SSBP2: variants seen among roughly 807,000 people sequenced by gnomAD.
SSBP2 encodes the protein single stranded DNA binding protein 2.
In SSBP2, 17 loss-of-function variants were observed where a neutral mutation model predicts 61.8. The observed-to-expected ratio is 0.28, with a 90% CI of 0.19 to 0.41. The LOEUF is 0.41. SSBP2 is among the 10% of genes least tolerant of loss of function. The pLI, the probability that SSBP2 is intolerant of heterozygous loss-of-function variation, is 1.00. For missense variants in SSBP2, 310 were observed against 458.7 expected (o/e 0.68, Z 2.96); for synonymous variants, 139 against 141.3 (o/e 0.98, Z 0.12).
At chr5:81,514,728 T>C (rs1768880451) in intron 4 of SSBP2, among the ~76,000 whole-genome samples, 1 of 152,010 alleles carries the variant, frequency 6.6e-6, no homozygotes, top group South Asian at 2.1e-4. Context: ...CATTATAAGA[T>C]GTAAAATCTC....
chr5:81,727,962 A>G (rs933583823), intron 1 of SSBP2, among the ~76,000 whole-genome samples: 9 of 152,214 alleles, frequency 5.9e-5, no homozygotes, highest in Admixed American at 4.6e-4. Context: ...GATCAAAAGA[A>G]GCCAGCCATA....
rs143704375 is a variant in SSBP2 at position 81,483,115 on chromosome 5, T to C, written c.432+6135A>G. Among the ~76,000 whole-genome samples the C allele has an allele frequency of 2.6e-5, 4 of 152,206 alleles. No homozygotes were observed. In the East Asian group the frequency reaches 7.7e-4, roughly 29 times the overall value. ...AGTTCACTGTCTTGTATGGGCACGG[T>C]TTGTGGCAACCCAAAACAATTACAA... On this transcript the variant is annotated intron_variant, in intron 6 of 16. Transcript: ENST00000320672.
chr5:81,607,088 T>G (rs1744954093), intron 4 of SSBP2, among the ~76,000 whole-genome samples: 2 of 152,202 alleles, frequency 1.3e-5, no homozygotes, highest in South Asian at 4.1e-4. Context: ...ATCTGAAGAC[T>G]TCCTATTTCC....
At chr5:81,612,870 CTTA>C (rs1183644615) in intron 4 of SSBP2, among the ~76,000 whole-genome samples, 2 of 151,882 alleles carry the variant, frequency 1.3e-5, no homozygotes, top group African/African-American at 2.4e-5. Context: ...TTACCAAAAT[CTTA>C]TTGTTTGTTC....
chr5:81,466,825 A>G, intron 9 of SSBP2, 149 bp downstream of exon 9: 1 of 455,958 alleles, frequency 2.2e-6, no homozygotes, highest in Non-Finnish European at 3.9e-6. Context: ...TACCACACAG[A>G]GACTGTGGTG....
chr5:81,609,800 G>A (rs986221951), intron 4 of SSBP2, among the ~76,000 whole-genome samples: 1 of 151,996 alleles, frequency 6.6e-6, no homozygotes, highest in African/African-American at 2.4e-5. Context: ...ACACTGTTGT[G>A]CCCACCTTTC....
At chr5:81,561,690 A>G (rs1057515064) in intron 4 of SSBP2, among the ~76,000 whole-genome samples, 5 of 152,216 alleles carry the variant, frequency 3.3e-5, no homozygotes, top group South Asian at 2.1e-4. Flanking sequence ...AGTTGTGGCA[A>G]TGAAGAAGGA....
chr5:81,420,460 A>G lies in SSBP2; in HGVS notation c.*44T>C. Reference sequence around the variant, plus strand: ...ATTTTCTTCCGTAGTAGTTCTGTGAAGGGCTGACTCACTGTGGTTTTCATG... The same window carrying G: ...ATTTTCTTCCGTAGTAGTTCTGTGAGGGGCTGACTCACTGTGGTTTTCATG... On this transcript the variant is annotated 3_prime_UTR_variant, in exon 17 of 17. Transcript: ENST00000320672. The G allele has an allele frequency of 6.3e-7, 1 of 1,594,182 alleles. No homozygotes were observed. The highest frequency in any genetic ancestry group is 8.6e-7 in the Non-Finnish European group (1 of 1,162,034).
At chr5:81,490,650 G>T (rs1405501154) in intron 5 of SSBP2, among the ~76,000 whole-genome samples, 1 of 152,106 alleles carries the variant, frequency 6.6e-6, no homozygotes, top group Non-Finnish European at 1.5e-5. Flanking sequence ...GGCTACTCAG[G>T]TTTTCCAGAG....
At chr5:81,460,154 C>A (rs766170960) in intron 10 of SSBP2, among the ~76,000 whole-genome samples, 1 of 152,180 alleles carries the variant, frequency 6.6e-6, no homozygotes, top group Non-Finnish European at 1.5e-5. Context: ...GTTTCATATT[C>A]ATTTAACATT....
chr5:81,599,122 G>A (rs1439936187), intron 4 of SSBP2, among the ~76,000 whole-genome samples: 1 of 152,112 alleles, frequency 6.6e-6, no homozygotes, highest in African/African-American at 2.4e-5. Context: ...ATAGCAAAAG[G>A]ACTACCTGAT....
At position 81,440,586 on chromosome 5, in the gene SSBP2, C is replaced by T; in HGVS notation, c.900G>A (p.Met300Ile). 1 of 1,613,596 alleles carries T rather than the reference C, an allele frequency of 6.2e-7. No homozygotes were observed. ...AAGAGCCATTCATGTGATGTGACTCCATTCCTCCTAATCCACCCATGGGAC... is the reference window on the plus strand; with the variant it reads ...AAGAGCCATTCATGTGATGTGACTCTATTCCTCCTAATCCACCCATGGGAC... The change falls in exon 14 of 17, where the codon ATG becomes ATA. Residue 300 changes from methionine to isoleucine, a missense_variant. This residue lies in a region of SSBP2 where 44 missense variants were observed against 86.2 expected (regional missense o/e 0.51). Transcript: ENST00000320672.
At chr5:81,641,556 G>A (rs550627991) in intron 2 of SSBP2, among the ~76,000 whole-genome samples, 1 of 152,272 alleles carries the variant, frequency 6.6e-6, no homozygotes, top group African/African-American at 2.4e-5. Flanking sequence ...GTCCACAGAA[G>A]AGATGGTCTG....
At chr5:81,585,553 G>A (rs970742898) in intron 4 of SSBP2, among the ~76,000 whole-genome samples, 8 of 149,652 alleles carry the variant, frequency 5.3e-5, no homozygotes, top group Non-Finnish European at 1.0e-4. Flanking sequence ...TTGTGTGTGT[G>A]TATATATATA....
rs976371928 is a variant in SSBP2 at position 81,413,825 on chromosome 5, T to C, written c.*6679A>G. ...ATGGTAACTGTACAGATTATTTGAA[T>C]TGTTTTTTAATAAGTAGATGGCCAA... On this transcript the variant is annotated 3_prime_UTR_variant, in exon 17 of 17. Coordinates refer to ENST00000320672, the MANE Select transcript of SSBP2 (RefSeq NM_012446.5). The C allele has an allele frequency of 6.6e-6, 1 of 152,196 alleles. No homozygotes were observed. The highest frequency in any genetic ancestry group is 1.5e-5 in the Non-Finnish European group (1 of 67,998). The allele number at this position is 152,196 out of a possible 1,614,324, so 9.4% of individuals were successfully genotyped here.
chr5:81,697,024 G>A (rs1753648830), intron 1 of SSBP2, among the ~76,000 whole-genome samples: 2 of 152,162 alleles, frequency 1.3e-5, no homozygotes, highest in Admixed American at 1.3e-4. Context: ...AAAGAATACA[G>A]GGCATTTCAG....
intron 1 of SSBP2, among the ~76,000 whole-genome samples, chr5:81,657,667 C>G (rs1165095362): frequency 6.6e-6 from 1 of 152,160 alleles, no homozygotes; most frequent in Non-Finnish European, 1.5e-5. Context: ...CAGTACTGTC[C>G]TCTAATCAAC....
chr5:81,467,368 T>A (rs145818801), intron 8 of SSBP2, among the ~76,000 whole-genome samples: 1 of 151,984 alleles, frequency 6.6e-6, no homozygotes, highest in Non-Finnish European at 1.5e-5. Flanking sequence ...ATGAAACATA[T>A]CATAAATCCA....
rs1044016843 is a variant in SSBP2 at position 81,505,259 on chromosome 5, G to A, written c.372+8369C>T. On this transcript the variant is annotated intron_variant, in intron 5 of 16. Transcript: ENST00000320672. ...CCCAGTTGAGTGGCTGTGAGAGACC[G>A]TGTGACCTGCAAAGCCTAAAATATT... is the stretch of plus-strand genomic sequence containing the variant. Among the ~76,000 whole-genome samples the A allele has an allele frequency of 1.5e-4, 23 of 152,300 alleles. 1 individual carries two copies. Among genetic ancestry groups the A allele is most frequent in the East Asian group, 3.9e-4 (2 of 5,192 alleles).
Sources: allele counts gnomAD v4.1 joint callset (sites outside exome capture counted in the v4.1 genomes callset), GRCh38; gene constraint gnomAD v4.1.1; regional missense constraint gnomAD v4.1.1; transcripts MANE v1.5; gene names NCBI Gene and HGNC (gene_info 2026-07-23, HGNC 2026-07-21).